Variants in PDSS2 observed in about 807,000 individuals in gnomAD.
PDSS2 encodes the protein all trans-polyprenyl-diphosphate synthase PDSS2.
A neutral mutation model predicts 44.5 loss-of-function variants in PDSS2; 31 were observed. The ratio of observed to expected loss-of-function variants is 0.70; its 90% CI spans 0.52 to 0.94. PDSS2 has a LOEUF of 0.94. PDSS2 is among the 40% of genes least tolerant of loss of function. The probability of loss-of-function intolerance (pLI) is 0.00; values close to 1 mark genes in which losing one functional copy is unlikely to be tolerated. For missense variants in PDSS2, 452 were observed against 482.2 expected (o/e 0.94, Z 0.59); for synonymous variants, 157 against 180.3 (o/e 0.87, Z 1.03).
intron 3 of PDSS2, among the ~76,000 whole-genome samples, chr6:107,253,681 G>T (rs1417888704): frequency 6.6e-6 from 1 of 150,858 alleles, no homozygotes. Flanking sequence ...GTGAGATACA[G>T]TAAAAAATAG....
chr6:107,272,510 T>C (rs1340038725), intron 3 of PDSS2, among the ~76,000 whole-genome samples: 1 of 152,168 alleles, frequency 6.6e-6, no homozygotes, highest in African/African-American at 2.4e-5. Flanking sequence ...ATCCCTGACT[T>C]TGCAGACTCA....
At chr6:107,372,624 T>C (rs1779162415) in intron 1 of PDSS2, among the ~76,000 whole-genome samples, 1 of 151,748 alleles carries the variant, frequency 6.6e-6, no homozygotes. Context: ...GCTAATTGTT[T>C]TGGATTTTTA....
chr6:107,249,157 T>C (rs768613433), intron 3 of PDSS2, among the ~76,000 whole-genome samples: 3 of 152,180 alleles, frequency 2.0e-5, no homozygotes, highest in Non-Finnish European at 4.4e-5. Flanking sequence ...ATCGTGAGTA[T>C]CTCTAAACAG....
intron 1 of PDSS2, among the ~76,000 whole-genome samples, chr6:107,363,706 C>T (rs1403794170): frequency 1.3e-5 from 2 of 152,190 alleles, no homozygotes; most frequent in Non-Finnish European, 2.9e-5. Flanking sequence ...CTTTTATTCT[C>T]TTATCTGGCC....
intron 6 of PDSS2, among the ~76,000 whole-genome samples, chr6:107,205,735 AGTTGT>A (rs1336642443): frequency 6.6e-6 from 1 of 152,120 alleles, no homozygotes; most frequent in Non-Finnish European, 1.5e-5. Context: ...ATAGGCCTAT[AGTTGT>A]GATGGAAGAG....
intron 7 of PDSS2, among the ~76,000 whole-genome samples, chr6:107,162,356 G>A (rs1771165396): frequency 6.6e-6 from 1 of 151,676 alleles, no homozygotes; most frequent in Admixed American, 6.6e-5. Context: ...AGCCCGGTAT[G>A]GTGGCGTGCA....
chr6:107,251,298 T>C (rs922181717), intron 3 of PDSS2, among the ~76,000 whole-genome samples: 2 of 152,240 alleles, frequency 1.3e-5, no homozygotes, highest in Non-Finnish European at 2.9e-5. Context: ...CTTAATTTGC[T>C]TGGTATATAA....
chr6:107,440,232 G>C (rs971784972), intron 1 of PDSS2, among the ~76,000 whole-genome samples: 4 of 152,142 alleles, frequency 2.6e-5, no homozygotes, highest in Non-Finnish European at 4.4e-5. Flanking sequence ...TCTGTATTTG[G>C]ATGTGATTTA....
chr6:107,346,741 T>C (rs1171384202), intron 1 of PDSS2, among the ~76,000 whole-genome samples: 1 of 152,214 alleles, frequency 6.6e-6, no homozygotes, highest in Non-Finnish European at 1.5e-5. Context: ...AGAATTAAAA[T>C]ATGAAAAGTA....
intron 1 of PDSS2, among the ~76,000 whole-genome samples, chr6:107,444,670 T>C (rs17068219): frequency 0.052 from 7,984 of 152,296 alleles, 383 homozygotes; most frequent in South Asian, 0.16. Context: ...AGAAAGGGTC[T>C]TTCATAAACA....
chr6:107,373,910 T>C (rs540991002), intron 1 of PDSS2, among the ~76,000 whole-genome samples: 3 of 152,320 alleles, frequency 2.0e-5, no homozygotes, highest in South Asian at 2.1e-4. Context: ...TTTTCTCTTA[T>C]GCAAATGAGT....
chr6:107,351,487 G>A (rs1048896673), intron 1 of PDSS2, among the ~76,000 whole-genome samples: 1 of 152,148 alleles, frequency 6.6e-6, no homozygotes, highest in South Asian at 2.1e-4. Flanking sequence ...CTATCAAGAT[G>A]CTTGACTATT....
chr6:107,172,924 G>C (rs1166496808), intron 7 of PDSS2, among the ~76,000 whole-genome samples: 2 of 151,886 alleles, frequency 1.3e-5, no homozygotes, highest in African/African-American at 2.4e-5. Context: ...AGGAGTTCGA[G>C]ACCAGCCTGG....
intron 1 of PDSS2, among the ~76,000 whole-genome samples, chr6:107,336,828 GT>G (rs1777910336): frequency 2.8e-3 from 2 of 724 alleles, no homozygotes; most frequent in Admixed American, 0.025. Flanking sequence ...GGTGTGTGGT[GT>G]GTGTGTGTGT....
intron 2 of PDSS2, among the ~76,000 whole-genome samples, chr6:107,300,602 G>C (rs1776661866): frequency 6.6e-6 from 1 of 152,206 alleles, no homozygotes; most frequent in Non-Finnish European, 1.5e-5. Context: ...GAAATAGTCA[G>C]ATCATCTATT....
At chr6:107,414,700 T>C (rs2114669906) in intron 1 of PDSS2, among the ~76,000 whole-genome samples, 1 of 152,338 alleles carries the variant, frequency 6.6e-6, no homozygotes, top group South Asian at 2.1e-4. Context: ...AACAGAAGCA[T>C]ATGGGCTTCC....
chr6:107,163,324 A>G (rs1771214067), intron 7 of PDSS2, among the ~76,000 whole-genome samples: 1 of 152,216 alleles, frequency 6.6e-6, no homozygotes, highest in Non-Finnish European at 1.5e-5. Flanking sequence ...ACTTTAGTCA[A>G]TACTCAACTC....
At chr6:107,182,714 T>A (rs1372531085) in intron 7 of PDSS2, among the ~76,000 whole-genome samples, 1 of 152,174 alleles carries the variant, frequency 6.6e-6, no homozygotes, top group Non-Finnish European at 1.5e-5. Context: ...TATTTTTCCA[T>A]CATTAATAAT....
chr6:107,443,863 T>C (rs1781583849), intron 1 of PDSS2, among the ~76,000 whole-genome samples: 1 of 152,226 alleles, frequency 6.6e-6, no homozygotes, highest in South Asian at 2.1e-4. Flanking sequence ...TATTGTTCAC[T>C]ACGGCATTTA....
Sources: gnomAD v4.1 joint callset for allele counts (sites outside exome capture counted in the v4.1 genomes callset) on GRCh38, gnomAD v4.1.1 for gene constraint, MANE v1.5 for transcripts, NCBI Gene and HGNC (gene_info 2026-07-23, HGNC 2026-07-21) for gene names.